Variants in STXBP5L observed in about 807,000 individuals in gnomAD.
STXBP5L encodes syntaxin-binding protein 5-like.
In STXBP5L, 65 loss-of-function variants were observed where a neutral mutation model predicts 144.5. The ratio of observed to expected loss-of-function variants is 0.45; its 90% CI spans 0.37 to 0.55. The LOEUF (loss-of-function observed/expected upper bound fraction) is 0.55, where lower values mean the gene tolerates loss of function less well. Ranked by LOEUF, STXBP5L falls within the 20% of genes least tolerant of loss-of-function variation. STXBP5L has a pLI of 0.00. For missense variants in STXBP5L, 1,298 were observed against 1,405.5 expected (o/e 0.92, Z 1.22); for synonymous variants, 505 against 469.6 (o/e 1.08, Z -0.97).
intron 20 of STXBP5L, among the ~76,000 whole-genome samples, chr3:121,336,229 G>A (rs759420537): frequency 1.3e-5 from 2 of 152,186 alleles, no homozygotes; most frequent in Non-Finnish European, 2.9e-5. Flanking sequence ...GGGCCTGGTG[G>A]CTCATGCCTG....
At chr3:121,207,848 G>T (rs962601922) in intron 10 of STXBP5L, among the ~76,000 whole-genome samples, 4 of 152,200 alleles carry the variant, frequency 2.6e-5, no homozygotes, top group African/African-American at 9.6e-5. Flanking sequence ...TACTGGAGAG[G>T]ATGTGGAGAA....
chr3:121,094,660 G>T (rs544206545), intron 5 of STXBP5L, among the ~76,000 whole-genome samples: 2 of 151,996 alleles, frequency 1.3e-5, no homozygotes, highest in South Asian at 2.1e-4. Context: ...TTGAGCCTAT[G>T]TGTGTCTCTG....
intron 1 of STXBP5L, chr3:120,909,176 G>GT: frequency 1.3e-5 from 2 of 157,752 alleles, no homozygotes; most frequent in Non-Finnish European, 1.4e-5. Flanking sequence ...GCCCTTAAGA[G>GT]AGAGACAGAG....
At chr3:121,294,112 G>C (rs1456850921) in intron 19 of STXBP5L, among the ~76,000 whole-genome samples, 2 of 152,328 alleles carry the variant, frequency 1.3e-5, no homozygotes, top group Admixed American at 1.3e-4. Context: ...CCACACTGCT[G>C]TGTGAAGAAA....
intron 5 of STXBP5L, among the ~76,000 whole-genome samples, chr3:121,096,500 C>G (rs1300281960): frequency 1.3e-5 from 2 of 152,094 alleles, no homozygotes; most frequent in African/African-American, 4.8e-5. Flanking sequence ...GATTTATCTA[C>G]TTTTGGTCCT....
chr3:120,976,510 A>C (rs1179498495), intron 3 of STXBP5L, among the ~76,000 whole-genome samples: 2 of 151,872 alleles, frequency 1.3e-5, no homozygotes, highest in African/African-American at 2.4e-5. Flanking sequence ...TGGGTTCATT[A>C]ATTTTTTGAA....
chr3:121,424,543 AC>A lies in STXBP5L; in HGVS notation c.*5448del, dbSNP rs2047420102. 1 of 152,200 alleles carries A rather than the reference AC, an allele frequency of 6.6e-6. No individual in the cohort carries two copies. Among genetic ancestry groups the A allele is most frequent in the Non-Finnish European group, 1.5e-5 (1 of 68,044 alleles). 9.4% of individuals were successfully genotyped at this position (152,200 alleles called of 1,614,324 possible). On this transcript the variant is annotated 3_prime_UTR_variant, in exon 27 of 27. Transcript: ENST00000471454. ...GTACACAGGAACAGAATCTCTAATAACCTATAATTTTTAGTACTTAATTATG... is the reference window on the plus strand; with the variant it reads ...GTACACAGGAACAGAATCTCTAATAACTATAATTTTTAGTACTTAATTATG...
chr3:121,351,343 G>A (rs2045273322), intron 20 of STXBP5L, among the ~76,000 whole-genome samples: 1 of 152,088 alleles, frequency 6.6e-6, no homozygotes, highest in Admixed American at 6.5e-5. Flanking sequence ...GGAGTACCCG[G>A]CCGTGTCAGG....
intron 23 of STXBP5L, among the ~76,000 whole-genome samples, chr3:121,407,999 C>T (rs1213086685): frequency 1.3e-5 from 2 of 151,986 alleles, no homozygotes; most frequent in Non-Finnish European, 2.9e-5. Context: ...TTTGATACTT[C>T]ACCCAAGAAA....
chr3:120,978,333 G>T (rs636934), intron 3 of STXBP5L, among the ~76,000 whole-genome samples: 1 of 151,888 alleles, frequency 6.6e-6, no homozygotes, highest in African/African-American at 2.4e-5. Context: ...CCAGTTGTTC[G>T]CATCAGCTCT....
chr3:121,356,744 A>T (rs1394111407), intron 20 of STXBP5L, among the ~76,000 whole-genome samples: 1 of 152,218 alleles, frequency 6.6e-6, no homozygotes, highest in Non-Finnish European at 1.5e-5. Context: ...CCTCAATAGG[A>T]AATGCAGAAA....
chr3:121,057,419 G>A (rs979085705), intron 5 of STXBP5L, among the ~76,000 whole-genome samples: 7 of 151,730 alleles, frequency 4.6e-5, no homozygotes, highest in South Asian at 4.2e-4. Flanking sequence ...TAACTTTGCC[G>A]TTGTGTAACA....
intron 24 of STXBP5L, 35 bp downstream of exon 24, chr3:121,413,358 G>A (rs746957891): frequency 2.0e-6 from 3 of 1,481,046 alleles, no homozygotes; most frequent in Non-Finnish European, 2.7e-6. Flanking sequence ...AAAAGACATT[G>A]GACATGGTTG....
intron 7 of STXBP5L, among the ~76,000 whole-genome samples, chr3:121,137,761 G>C (rs1196549353): frequency 2.0e-5 from 3 of 152,098 alleles, no homozygotes; most frequent in African/African-American, 7.2e-5. Flanking sequence ...CAGTAAATTA[G>C]ATAGAAGGAT....
At chr3:121,043,161 T>C (rs1272841754) in intron 4 of STXBP5L, among the ~76,000 whole-genome samples, 1 of 152,140 alleles carries the variant, frequency 6.6e-6, no homozygotes, top group Non-Finnish European at 1.5e-5. Flanking sequence ...ACTCGCCCTA[T>C]GTACCTCACA....
chr3:121,042,907 A>G lies in STXBP5L; in HGVS notation c.369+1126A>G, dbSNP rs1293462635. Among the ~76,000 whole-genome samples, 4 of 151,716 alleles carry G rather than the reference A, an allele frequency of 2.6e-5. No homozygotes were observed. The East Asian group carries it at 7.7e-4, about 29-fold the overall frequency. On this transcript the variant is annotated intron_variant, in intron 4 of 26. Coordinates refer to ENST00000471454, the MANE Select transcript of STXBP5L (RefSeq NM_001308330.2). ...TTGTAATAACTGCTCATTATTATCT[A>G]GAATGTCAGGCTTCTCGAGGTCTCA...
At chr3:121,221,138 G>C (rs2048960886) in intron 10 of STXBP5L, among the ~76,000 whole-genome samples, 1 of 151,998 alleles carries the variant, frequency 6.6e-6, no homozygotes, top group South Asian at 2.1e-4. Flanking sequence ...ATTTAGTACA[G>C]TTAACCATGA....
intron 19 of STXBP5L, among the ~76,000 whole-genome samples, chr3:121,294,798 CAAAAA>C (rs920240654): frequency 2.0e-5 from 3 of 151,966 alleles, no homozygotes; most frequent in African/African-American, 7.2e-5. Flanking sequence ...CAAAACAAAA[CAAAAA>C]ACCTGGGGAA....
intron 19 of STXBP5L, among the ~76,000 whole-genome samples, chr3:121,293,485 T>A (rs531939184): frequency 6.6e-6 from 1 of 152,268 alleles, no homozygotes; most frequent in African/African-American, 2.4e-5. Flanking sequence ...AATTAAACCT[T>A]AACAAGGCTA....
Sources: allele counts gnomAD v4.1 joint callset (sites outside exome capture counted in the v4.1 genomes callset), GRCh38; gene constraint gnomAD v4.1.1; transcripts MANE v1.5; gene names NCBI Gene and HGNC (gene_info 2026-07-23, HGNC 2026-07-21).